The following PLAC8 variants were observed in gnomAD, a reference collection of about 807,000 sequenced individuals.
PLAC8 encodes placenta-specific gene 8 protein.
A neutral mutation model predicts 12.6 loss-of-function variants in PLAC8; 6 were observed. The observed-to-expected ratio is 0.48, with a 90% CI of 0.26 to 0.94. The LOEUF is 0.94. Ranked by LOEUF, PLAC8 falls within the 40% of genes least tolerant of loss-of-function variation. The pLI, the probability that PLAC8 is intolerant of heterozygous loss-of-function variation, is 0.14. For missense variants in PLAC8, 122 were observed against 152.7 expected (o/e 0.80, Z 1.06); for synonymous variants, 54 against 52.6 (o/e 1.03, Z -0.11).
chr4:83,104,655 T>C (rs1027788258), intron 3 of PLAC8, among the ~76,000 whole-genome samples: 1 of 152,206 alleles, frequency 6.6e-6, no homozygotes, highest in Non-Finnish European at 1.5e-5. Flanking sequence ...ATAAGCCTCT[T>C]CCATGGTATG....
At chr4:83,108,656 C>T (rs1360773558) in intron 1 of PLAC8, among the ~76,000 whole-genome samples, 1 of 152,162 alleles carries the variant, frequency 6.6e-6, no homozygotes, top group Admixed American at 6.5e-5. Context: ...ACAGTTGCTT[C>T]TCGTGGGGTA....
chr4:83,114,667 A>G lies in PLAC8; in HGVS notation c.-31T>C, dbSNP rs755880222. On this transcript the variant is annotated splice_region_variant and 5_prime_UTR_variant, in exon 1 of 5. Transcript: ENST00000311507. ...AGTTCTTACTTGTAAAGTACTTACA[A>G]TTAGTAAACAAGGTTCCGAGCAGGA... The G allele has an allele frequency of 3.3e-5, 5 of 152,220 alleles. No homozygotes were observed. Among genetic ancestry groups the G allele is most frequent in the African/African-American group, 4.8e-5 (2 of 41,456 alleles). 9.4% of individuals were successfully genotyped at this position (152,220 alleles called of 1,614,324 possible).
chr4:83,104,526 C>T (rs1732189819), intron 3 of PLAC8, among the ~76,000 whole-genome samples: 1 of 152,168 alleles, frequency 6.6e-6, no homozygotes, highest in East Asian at 1.9e-4. Context: ...ATTACTCCAC[C>T]TCTTAAAACT....
chr4:83,100,170 A>G (rs1484338561), intron 3 of PLAC8, among the ~76,000 whole-genome samples: 1 of 151,186 alleles, frequency 6.6e-6, no homozygotes, highest in Non-Finnish European at 1.5e-5. Flanking sequence ...AGTCCCAGCT[A>G]CTTGGGAGGC....
intron 3 of PLAC8, among the ~76,000 whole-genome samples, chr4:83,100,283 A>AG (rs1488092063): frequency 1.3e-5 from 2 of 150,192 alleles, no homozygotes; most frequent in Non-Finnish European, 3.0e-5. Flanking sequence ...TCCATCTCAA[A>AG]AAAAAAAAAA....
rs140364961 is a variant in PLAC8 at position 83,105,281 on chromosome 4, G to A, written c.119-261C>T. On this transcript the variant is annotated intron_variant, in intron 2 of 4. Transcript: ENST00000311507. ...CTTCATTCATTTGTTCATTGATGCA[G>A]TAAAACTTATTCATTTTCCAGACAT... is the stretch of plus-strand genomic sequence containing the variant. Among the ~76,000 whole-genome samples, 365 of 152,348 alleles carry A rather than the reference G, an allele frequency of 2.4e-3. 2 individuals carry two copies. Among genetic ancestry groups the A allele is most frequent in the African/African-American group, 8.1e-3 (338 of 41,572 alleles).
At chr4:83,109,887 C>T (rs1732364435) in intron 1 of PLAC8, 1 of 152,320 alleles carries the variant, frequency 6.6e-6, no homozygotes, top group Non-Finnish European at 1.5e-5. Flanking sequence ...CCGGTAAATT[C>T]TTAAGAGCAG....
At chr4:83,095,252 A>G (rs1046635058) in intron 3 of PLAC8, among the ~76,000 whole-genome samples, 4 of 152,220 alleles carry the variant, frequency 2.6e-5, no homozygotes, top group Non-Finnish European at 5.9e-5. Context: ...AGCACTAGGA[A>G]TAATGGGCAA....
In PLAC8 at chr4:83,092,233, T is replaced by C. The variant is rs144288432; in HGVS notation, c.*10-1262A>G. Among the ~76,000 whole-genome samples, 127 of 152,328 alleles carry C rather than the reference T, an allele frequency of 8.3e-4. 1 individual carries two copies. The highest frequency in any genetic ancestry group is 2.9e-3 in the African/African-American group (122 of 41,588). Reference sequence around the variant, plus strand: ...CTTGAGCTATCAGGACTCATTACTATGAATGTGTGGGTAGATATTTGATCC... The same window carrying C: ...CTTGAGCTATCAGGACTCATTACTACGAATGTGTGGGTAGATATTTGATCC... On this transcript the variant is annotated intron_variant, in intron 4 of 4. Coordinates refer to ENST00000311507, the MANE Select transcript of PLAC8 (RefSeq NM_016619.3).
At chr4:83,113,272 A>C (rs1732465128) in intron 1 of PLAC8, among the ~76,000 whole-genome samples, 1 of 152,122 alleles carries the variant, frequency 6.6e-6, no homozygotes, top group African/African-American at 2.4e-5. Context: ...AAAACGGTAC[A>C]CCTTCCTCCA....
At chr4:83,104,403 T>G (rs1331721682) in intron 3 of PLAC8, among the ~76,000 whole-genome samples, 1 of 152,204 alleles carries the variant, frequency 6.6e-6, no homozygotes. Flanking sequence ...TTAGGAGGAC[T>G]CTAAGTAATA....
chr4:83,105,178 A>G (rs1247491339), intron 2 of PLAC8, among the ~76,000 whole-genome samples, 158 bp from the exon 3 acceptor site: 2 of 152,224 alleles, frequency 1.3e-5, no homozygotes, highest in Non-Finnish European at 2.9e-5. Flanking sequence ...GCTTTGCATC[A>G]ATTTCTCGCT....
At position 83,099,595 on chromosome 4, in the gene PLAC8, T is replaced by A. The variant is rs1732035556; in HGVS notation, c.244-4804A>T. On this transcript the variant is annotated intron_variant, in intron 3 of 4. Transcript: ENST00000311507. ...ATCTCACATCAAATGTAATCCCCAA[T>A]GTTGGAGGTGGGGCCTGGTGGGAGG... 5.9e-5 allele frequency among the ~76,000 whole-genome samples: 9 copies of A among 152,182 alleles called. No individual in the cohort carries two copies. The South Asian group carries it at 1.9e-3, about 32-fold the overall frequency.
chr4:83,111,588 G>C (rs1376269157), intron 1 of PLAC8, among the ~76,000 whole-genome samples: 1 of 151,998 alleles, frequency 6.6e-6, no homozygotes, highest in Non-Finnish European at 1.5e-5. Flanking sequence ...GCATGAAACT[G>C]GTATTCAATA....
chr4:83,108,438 C>CA (rs1319396528), intron 1 of PLAC8, among the ~76,000 whole-genome samples: 2 of 152,074 alleles, frequency 1.3e-5, no homozygotes, highest in African/African-American at 4.8e-5. Flanking sequence ...ACTAAAAATG[C>CA]AAAAAATTAG....
intron 3 of PLAC8, among the ~76,000 whole-genome samples, chr4:83,101,639 G>A (rs981310949): frequency 2.0e-5 from 3 of 152,192 alleles, no homozygotes; most frequent in Admixed American, 2.0e-4. Flanking sequence ...TGCCATCAAG[G>A]AAATTCAAAG....
rs111880160 is a variant in PLAC8 at position 83,097,267 on chromosome 4, G to A, written c.244-2476C>T. On this transcript the variant is annotated intron_variant, in intron 3 of 4. Transcript: ENST00000311507. ...TGTGGGTGTGTATGTGTGTGTGTGT[G>A]TGATGTTTATATATAAAAGAGCTCT... 8.9e-3 allele frequency among the ~76,000 whole-genome samples: 1,350 copies of A among 152,136 alleles called. 24 individuals are homozygous for A. Among genetic ancestry groups the A allele is most frequent in the African/African-American group, 0.03 (1,264 of 41,496 alleles).
At chr4:83,111,242 TAC>T (rs1460451830) in intron 1 of PLAC8, among the ~76,000 whole-genome samples, 1 of 152,220 alleles carries the variant, frequency 6.6e-6, no homozygotes, top group African/African-American at 2.4e-5. Flanking sequence ...ACACTGGAAT[TAC>T]AGGTGTAAGC....
chr4:83,093,734 T>C (rs1731861325), intron 4 of PLAC8: 1 of 152,192 alleles, frequency 6.6e-6, no homozygotes, highest in Non-Finnish European at 1.5e-5. Context: ...ATCCCCCTTT[T>C]TCGTATAAAT....
Sources: gnomAD v4.1 joint callset for allele counts (sites outside exome capture counted in the v4.1 genomes callset) on GRCh38, gnomAD v4.1.1 for gene constraint, MANE v1.5 for transcripts, NCBI Gene and HGNC (gene_info 2026-07-23, HGNC 2026-07-21) for gene names.